The following SLC25A48 variants were observed in gnomAD, a reference collection of about 807,000 sequenced individuals.
SLC25A48 encodes solute carrier family 25 member 48.
A neutral mutation model predicts 32.2 loss-of-function variants in SLC25A48; 29 were observed. That is an observed-to-expected ratio of 0.90 (90% CI 0.67 to 1.23). The LOEUF (loss-of-function observed/expected upper bound fraction) is 1.23. SLC25A48 is among the 50% of genes most tolerant of loss of function. The pLI, the probability that SLC25A48 is intolerant of heterozygous loss-of-function variation, is 0.00. For missense variants in SLC25A48, 399 were observed against 422.7 expected (o/e 0.94, Z 0.49); for synonymous variants, 164 against 172.3 (o/e 0.95, Z 0.38).
chr5:135,607,032 C>T (rs1479635419), intron 1 of SLC25A48, among the ~76,000 whole-genome samples: 1 of 152,174 alleles, frequency 6.6e-6, no homozygotes, highest in East Asian at 1.9e-4. Flanking sequence ...AACTCTTACC[C>T]AGGGGACTTG....
At chr5:135,698,780 A>G (rs1377011802) in intron 3 of SLC25A48, among the ~76,000 whole-genome samples, 1 of 152,230 alleles carries the variant, frequency 6.6e-6, no homozygotes, top group Non-Finnish European at 1.5e-5. Context: ...TGAAATACAT[A>G]TATTTGAAAT....
intron 3 of SLC25A48, among the ~76,000 whole-genome samples, chr5:135,665,197 T>C (rs1753491475): frequency 1.3e-5 from 2 of 152,218 alleles, no homozygotes; most frequent in African/African-American, 4.8e-5. Flanking sequence ...ATTTTTTTCA[T>C]GTTTGTTGGC....
At chr5:135,681,887 G>A (rs2126950854) in intron 3 of SLC25A48, among the ~76,000 whole-genome samples, 1 of 152,184 alleles carries the variant, frequency 6.6e-6, no homozygotes, top group South Asian at 2.1e-4. Context: ...CTCTGGCATA[G>A]GAACATAAAC....
At chr5:135,852,269 C>T (rs1759933053) in intron 3 of SLC25A48, among the ~76,000 whole-genome samples, 2 of 152,206 alleles carry the variant, frequency 1.3e-5, no homozygotes, top group African/African-American at 2.4e-5. Flanking sequence ...AGCCTGACTT[C>T]TTTCCAGCCC....
chr5:135,581,369 C>G lies in SLC25A48; in HGVS notation c.-849+1772C>G, dbSNP rs557044109. Among the ~76,000 whole-genome samples, 5 of 152,208 alleles carry G rather than the reference C, an allele frequency of 3.3e-5. No homozygotes were observed. The South Asian group carries it at 6.2e-4, about 19-fold the overall frequency. ...TAGGTTTTAATACATTGGATCAGCC[C>G]TCAGAAATAGAATCATGGGGCCATG... On this transcript the variant is annotated intron_variant, in intron 1 of 10. Coordinates refer to the SLC25A48 transcript ENST00000646290.
chr5:135,809,214 A>C (rs1757539817), intron 3 of SLC25A48, among the ~76,000 whole-genome samples: 1 of 152,044 alleles, frequency 6.6e-6, no homozygotes, highest in African/African-American at 2.4e-5. Context: ...CAGGAGGATC[A>C]CTTGAGCCCG....
At chr5:135,799,750 A>G (rs530588233) in intron 3 of SLC25A48, among the ~76,000 whole-genome samples, 2 of 151,924 alleles carry the variant, frequency 1.3e-5, no homozygotes, top group African/African-American at 4.8e-5. Context: ...TATACTCTCA[A>G]TGTCGCAGGG....
rs1024530695 is a variant in SLC25A48 at position 135,629,968 on chromosome 5, A to G, written c.-709+592A>G. The stretch of plus-strand genomic sequence containing the variant: ...AGTGACTGCCACAGGTACCTGCCAC[A>G]AGACCCCAGAGACTCATGATCTGAT... On this transcript the variant is annotated intron_variant, in intron 2 of 10. Coordinates refer to the SLC25A48 transcript ENST00000646290. The surrounding 1 kb of genome is among the most constrained non-coding windows in gnomAD (Gnocchi z 4.8). 6.6e-6 allele frequency among the ~76,000 whole-genome samples: 1 copy of G among 152,200 alleles called. No individual in the cohort carries two copies. The highest frequency in any genetic ancestry group is 2.4e-5 in the African/African-American group (1 of 41,456).
At chr5:135,602,194 A>G (rs1751812507) in intron 1 of SLC25A48, among the ~76,000 whole-genome samples, 2 of 152,240 alleles carry the variant, frequency 1.3e-5, no homozygotes, top group African/African-American at 4.8e-5. Flanking sequence ...TTGGATTCGT[A>G]TATGCTTGTA....
intron 3 of SLC25A48, among the ~76,000 whole-genome samples, chr5:135,851,765 T>C (rs1449418009): frequency 1.3e-5 from 2 of 152,118 alleles, no homozygotes; most frequent in East Asian, 3.9e-4. Flanking sequence ...CTGCCCTGAC[T>C]CCTCCAAGGG....
intron 3 of SLC25A48, among the ~76,000 whole-genome samples, chr5:135,744,123 C>A (rs1755577376): frequency 6.6e-6 from 1 of 152,188 alleles, no homozygotes; most frequent in Middle Eastern, 3.2e-3. Context: ...TTAAACCTCA[C>A]AGGAATTTAA....
rs536605537 is a variant in SLC25A48, at chr5:135,886,895, C to G, written c.*8-1137C>G. The stretch of plus-strand genomic sequence containing the variant: ...CAAAACAGAATTCCAAGCCAAGCAC[C>G]AGTTTTGGTGTCTGTGCCTTGGAGT... On this transcript the variant is annotated intron_variant, in intron 7 of 7. Coordinates refer to ENST00000681962, the MANE Select transcript of SLC25A48 (RefSeq NM_001349336.2). Among the ~76,000 whole-genome samples the G allele has an allele frequency of 1.5e-3, 222 of 151,734 alleles. 1 individual carries two copies. Among genetic ancestry groups the G allele is most frequent in the African/African-American group, 5.1e-3 (211 of 41,386 alleles).
chr5:135,755,948 C>T (rs780599465), intron 3 of SLC25A48, among the ~76,000 whole-genome samples: 13 of 151,934 alleles, frequency 8.6e-5, no homozygotes, highest in Non-Finnish European at 1.3e-4. Flanking sequence ...AGTGTCAACG[C>T]ACTATACTAA....
chr5:135,708,220 C>T (rs1754567312), intron 3 of SLC25A48, among the ~76,000 whole-genome samples: 1 of 152,220 alleles, frequency 6.6e-6, no homozygotes, highest in Non-Finnish European at 1.5e-5. Context: ...GCATAAACCA[C>T]ACCTATGTAC....
intron 1 of SLC25A48, among the ~76,000 whole-genome samples, chr5:135,587,025 T>C (rs1189115626): frequency 6.6e-6 from 1 of 152,036 alleles, no homozygotes; most frequent in African/African-American, 2.4e-5. Flanking sequence ...GCATTGTATT[T>C]TTTTTGTTTT....
chr5:135,623,616 A>C (rs1752374113), intron 1 of SLC25A48, among the ~76,000 whole-genome samples: 3 of 152,190 alleles, frequency 2.0e-5, no homozygotes, highest in Admixed American at 2.0e-4. Flanking sequence ...CTGCCCTTCT[A>C]TAAACACGTT....
chr5:135,632,502 G>A (rs1752600003), intron 2 of SLC25A48, among the ~76,000 whole-genome samples: 1 of 152,110 alleles, frequency 6.6e-6, no homozygotes, highest in Non-Finnish European at 1.5e-5. Flanking sequence ...GGAAGGAGAA[G>A]TCTAGTTTCT....
At chr5:135,656,577 C>T (rs56031660) in intron 3 of SLC25A48, among the ~76,000 whole-genome samples, 5,250 of 152,204 alleles carry the variant, frequency 0.034, 127 homozygotes, top group African/African-American at 0.057. Flanking sequence ...CCAAAATAGA[C>T]ATGTTGAAAT....
chr5:135,799,100 C>T (rs1757258016), intron 3 of SLC25A48, among the ~76,000 whole-genome samples: 1 of 151,586 alleles, frequency 6.6e-6, no homozygotes, highest in African/African-American at 2.4e-5. Flanking sequence ...TGATATTTTT[C>T]CTAATGTACA....
Sources: gnomAD v4.1 joint callset for allele counts (sites outside exome capture counted in the v4.1 genomes callset) on GRCh38, gnomAD v4.1.1 for gene constraint, Gnocchi (gnomAD v3.1) non-coding constraint, MANE v1.5 for transcripts, NCBI Gene and HGNC (gene_info 2026-07-23, HGNC 2026-07-21) for gene names.